Variants in NRDE2 observed in about 807,000 individuals in gnomAD.
NRDE2 encodes NRDE-2, necessary for RNA interference, domain containing.
Under a neutral mutation model 124.2 loss-of-function variants are expected in NRDE2, and 76 were observed. The observed-to-expected ratio is 0.61, with a 90% CI of 0.51 to 0.74. The LOEUF (loss-of-function observed/expected upper bound fraction) is 0.74. NRDE2 is among the 30% of genes least tolerant of loss of function. NRDE2 has a pLI of 0.00. For missense variants in NRDE2, 1,314 were observed against 1,417.3 expected (o/e 0.93, Z 1.17); for synonymous variants, 489 against 528.1 (o/e 0.93, Z 1.01).
At chr14:90,315,176 C>CAAA (rs71117336) in intron 3 of NRDE2, among the ~76,000 whole-genome samples, 7 of 31,792 alleles carry the variant, frequency 2.2e-4, no homozygotes, top group African/African-American at 9.2e-4. Context: ...TACTCTGTCT[C>CAAA]AAAAAAAAAA....
chr14:90,288,223 A>C lies in NRDE2; in HGVS notation c.3152T>G (p.Val1051Gly). 10 of 1,613,298 alleles carry C rather than the reference A, an allele frequency of 6.2e-6. No homozygotes were observed. Among genetic ancestry groups the C allele is most frequent in the Non-Finnish European group, 7.6e-6 (9 of 1,179,582 alleles). ...EKLRKRLVET[V>G]QRLDGREIHA... ...CAGAACGGTCTGGAATTACCTCTGGACAGTTTCCACCAGTCTCTTCCTCAG... is the reference window on the plus strand; with the variant it reads ...CAGAACGGTCTGGAATTACCTCTGGCCAGTTTCCACCAGTCTCTTCCTCAG... The change falls in exon 11 of 14, where the codon GTC (valine) becomes GGC (glycine). Residue 1051 changes from valine (V) to glycine (G), a missense_variant. Coordinates refer to ENST00000354366, the MANE Select transcript of NRDE2 (RefSeq NM_017970.4).
Position 90,270,446 on chromosome 14 carries a change from C to T in NRDE2, c.*7890G>A, listed in dbSNP as rs1891632059. The T allele has an allele frequency of 7.3e-7, 1 of 1,361,276 alleles. No individual in the cohort carries two copies. Among genetic ancestry groups the T allele is most frequent in the Non-Finnish European group, 9.8e-7 (1 of 1,015,516 alleles). 84.3% of individuals were successfully genotyped at this position (1,361,276 alleles called of 1,614,324 possible). A position where few individuals can be genotyped will look rare whatever the true frequency, so the allele number is the denominator to read the frequency against. On this transcript the variant is annotated 3_prime_UTR_variant, in exon 14 of 14. Coordinates refer to ENST00000354366, the MANE Select transcript of NRDE2 (RefSeq NM_017970.4). ...CTCTTGGGATGGTGGTTGGCCTGGA[C>T]AGGTGGGTGTCTGTATTTTAATCAT...
chr14:90,300,818 C>G (rs1385361188), intron 7 of NRDE2, among the ~76,000 whole-genome samples: 4 of 4,398 alleles, frequency 9.1e-4, no homozygotes, highest in Non-Finnish European at 1.6e-3. Context: ...GTTTCCCTGA[C>G]TAGGGGAGCC....
chr14:90,278,993 C>T lies in NRDE2; in HGVS notation c.3369+69G>A, dbSNP rs1204113596. On this transcript the variant is annotated intron_variant, in intron 13 of 13. Coordinates refer to ENST00000354366, the MANE Select transcript of NRDE2 (RefSeq NM_017970.4). ...GGTGCCGCGGGGCAGGCCGGGAAGA[C>T]ACTAGCTGGACGGAGACCTGGCGGG... 4 of 1,109,108 alleles carry T rather than the reference C, an allele frequency of 3.6e-6. No homozygotes were observed. In the East Asian group the frequency reaches 9.4e-5, roughly 26 times the overall value. 68.7% of individuals were successfully genotyped at this position (1,109,108 alleles called of 1,614,324 possible).
At chr14:90,287,905 AG>A (rs1403108426) in intron 11 of NRDE2, among the ~76,000 whole-genome samples, 3 of 152,138 alleles carry the variant, frequency 2.0e-5, no homozygotes, top group African/African-American at 4.8e-5. Context: ...CTTAGCCATC[AG>A]GCTTTCGTGA....
rs1892236207 is a variant in NRDE2, at chr14:90,290,294, A to AGGTGGAAGACATTGCG, written c.2140_2155dup (p.Leu719ProfsTer27). 3.7e-6 allele frequency: 6 copies of AGGTGGAAGACATTGCG among 1,614,124 alleles called. No individual in the cohort carries two copies. The highest frequency in any genetic ancestry group is 5.1e-6 in the Non-Finnish European group (6 of 1,180,028). ...TTTGCCTGAAAATAAAGGCATGACA[A>AGGTGGAAGACATTGCG]GGTGGAAGACATTGCGGATGAACTC... On this transcript the variant is annotated frameshift_variant, in exon 10 of 14. Transcript: ENST00000354366. LOFTEE classifies it high-confidence loss of function.
At chr14:90,303,830 G>A (rs1287405902) in intron 5 of NRDE2, 105 bp downstream of exon 5, 2 of 971,280 alleles carry the variant, frequency 2.1e-6, no homozygotes, top group Non-Finnish European at 3.1e-6. Flanking sequence ...TGTATGCCCA[G>A]TGTCAAATTT....
intron 7 of NRDE2, 86 bp downstream of exon 7, chr14:90,301,153 C>T (rs1884384681): frequency 2.2e-6 from 3 of 1,370,418 alleles, no homozygotes; most frequent in East Asian, 4.6e-5. Context: ...TCATTATCCA[C>T]ACCACCTCTC....
chr14:90,287,278 C>T lies in NRDE2; in HGVS notation c.3159-786G>A, dbSNP rs553822197. On this transcript the variant is annotated intron_variant, in intron 11 of 13. Transcript: ENST00000354366. ...AAAGATTCTGGGAAAACAATGATGC[C>T]TAAGCTAATGTGTCCCCCAGATTAA... 1.6e-4 allele frequency among the ~76,000 whole-genome samples: 24 copies of T among 152,072 alleles called. No homozygotes were observed. The South Asian group carries it at 2.7e-3, about 17-fold the overall frequency.
rs144788146 is a variant in NRDE2 at position 90,331,690 on chromosome 14, G to C, written c.64+151C>G. The C allele has an allele frequency of 5.6e-4, 468 of 832,372 alleles. 3 individuals carry two copies. The highest frequency in any genetic ancestry group is 3.8e-3 in the South Asian group (243 of 63,658). 51.6% of individuals were successfully genotyped at this position (832,372 alleles called of 1,614,324 possible). A position where few individuals can be genotyped will look rare whatever the true frequency, so the allele number is the denominator to read the frequency against. Reference sequence around the variant, plus strand: ...GCCTCTGGGCCCCAGACCTCGGAGGGATTGAGCCTTTCCCAGAAGGCTTTG... The same window carrying C: ...GCCTCTGGGCCCCAGACCTCGGAGGCATTGAGCCTTTCCCAGAAGGCTTTG... On this transcript the variant is annotated intron_variant, in intron 1 of 13. Coordinates refer to ENST00000354366, the MANE Select transcript of NRDE2 (RefSeq NM_017970.4).
In NRDE2 at chr14:90,270,651, C is replaced by T. The variant is rs1891637143; in HGVS notation, c.*7685G>A. Reference sequence around the variant, plus strand: ...GTGTGTCAAATGTAGCTGCTCAGTCCCAGGTCAGGGGAAGGGTATGTCCTG... The same window carrying T: ...GTGTGTCAAATGTAGCTGCTCAGTCTCAGGTCAGGGGAAGGGTATGTCCTG... On this transcript the variant is annotated 3_prime_UTR_variant, in exon 14 of 14. Transcript: ENST00000354366. The T allele has an allele frequency of 4.0e-6, 1 of 252,558 alleles. No homozygotes were observed. Among genetic ancestry groups the T allele is most frequent in the African/African-American group, 2.2e-5 (1 of 45,258 alleles). 15.6% of individuals were successfully genotyped at this position (252,558 alleles called of 1,614,324 possible).
chr14:90,298,957 C>A (rs1884285533), intron 7 of NRDE2, among the ~76,000 whole-genome samples: 1 of 152,204 alleles, frequency 6.6e-6, no homozygotes, highest in Admixed American at 6.5e-5. Flanking sequence ...ACACCTGGCA[C>A]AATACTTACT....
chr14:90,293,679 A>G (rs10147513), intron 8 of NRDE2, among the ~76,000 whole-genome samples: 4,235 of 152,312 alleles, frequency 0.028, 204 homozygotes, highest in African/African-American at 0.096. Context: ...AAGTCATCCG[A>G]ATTTTTAGCC....
intron 10 of NRDE2, among the ~76,000 whole-genome samples, 179 bp from the exon 11 acceptor site, chr14:90,289,324 C>T (rs1490454917): frequency 6.6e-6 from 1 of 152,224 alleles, no homozygotes; most frequent in African/African-American, 2.4e-5. Flanking sequence ...ACCAGGGCCA[C>T]AACTGCCCCC....
chr14:90,299,020 C>T (rs902079212), intron 7 of NRDE2, among the ~76,000 whole-genome samples: 3 of 152,114 alleles, frequency 2.0e-5, no homozygotes, highest in Non-Finnish European at 2.9e-5. Flanking sequence ...ACAAGGCAGG[C>T]GACCAGGGAG....
chr14:90,274,831 CA>C lies in NRDE2; in HGVS notation c.*3504del, dbSNP rs1386775825. 11,211 of 94,266 alleles carry C rather than the reference CA, an allele frequency of 0.12. 622 individuals are homozygous for C. The highest frequency in any genetic ancestry group is 0.22 in the Middle Eastern group (42 of 192). The allele number at this position is 94,266 out of a possible 1,614,324, so 5.8% of individuals were successfully genotyped here. On this transcript the variant is annotated 3_prime_UTR_variant, in exon 14 of 14. Transcript: ENST00000354366. Reference sequence around the variant, plus strand: ...ACACACACACACACACACACACACACACACACACCCCAATACATATGAATTG... The same window carrying C: ...ACACACACACACACACACACACACACCACACACCCCAATACATATGAATTG...
chr14:90,288,540 C>T lies in NRDE2; in HGVS notation c.2835G>A (p.Glu945=), dbSNP rs767566404. ...AACTCTGGGAGCTGGCACTGTCCCC[C>T]TCGCCAGAGCCTTCTGGGAAAACAG... ...NSSVFPEGSG[E]GDSASSQSWT... The change falls in exon 11 of 14, where the codon GAG becomes GAA. Residue 945 remains glutamate, a synonymous_variant. Coordinates refer to ENST00000354366, the MANE Select transcript of NRDE2 (RefSeq NM_017970.4). 2 of 1,614,028 alleles carry T rather than the reference C, an allele frequency of 1.2e-6. No homozygotes were observed. The highest frequency in any genetic ancestry group is 1.7e-6 in the Non-Finnish European group (2 of 1,179,992).
rs1566705566 is a variant in NRDE2 at position 90,330,222 on chromosome 14, T to TAAATAAATAAA, written c.64+1608_64+1618dup. 9.2e-3 allele frequency among the ~76,000 whole-genome samples: 1,296 copies of TAAATAAATAAA among 141,630 alleles called. 22 individuals carry two copies. Among genetic ancestry groups the TAAATAAATAAA allele is most frequent in the African/African-American group, 0.031 (1,178 of 37,944 alleles). The allele number at this position is 141,630 out of a possible 152,430, so 92.9% of individuals were successfully genotyped here. ...ACTTGGTCTCAAAAAAAAAAATAAA[T>TAAATAAATAAA]AAATAAATAAATAAAAAGAAGTAAT... is the stretch of plus-strand genomic sequence containing the variant. On this transcript the variant is annotated intron_variant, in intron 1 of 13. Coordinates refer to ENST00000354366, the MANE Select transcript of NRDE2 (RefSeq NM_017970.4).
intron 11 of NRDE2, among the ~76,000 whole-genome samples, chr14:90,287,017 G>C (rs1228947088): frequency 9.4e-6 from 1 of 106,268 alleles, no homozygotes; most frequent in African/African-American, 3.7e-5. Flanking sequence ...CTGGGCAACA[G>C]AGTGAGACTC....
Sources: gnomAD v4.1 joint callset for allele counts (sites outside exome capture counted in the v4.1 genomes callset) on GRCh38, gnomAD v4.1.1 for gene constraint, MANE v1.5 for transcripts, NCBI Gene and HGNC (gene_info 2026-07-23, HGNC 2026-07-21) for gene names.